The following CHSY3 variants were observed in gnomAD, a reference collection of about 807,000 sequenced individuals.
CHSY3 encodes the protein N-acetylgalactosaminyl-proteoglycan 3-beta-glucuronosyltransferase 3.
Under a neutral mutation model 67.2 loss-of-function variants are expected in CHSY3, and 35 were observed. The observed-to-expected ratio is 0.52, with a 90% confidence interval of 0.40 to 0.69. The LOEUF is 0.69. Ranked by LOEUF, CHSY3 falls within the 30% of genes least tolerant of loss-of-function variation. The pLI, the probability that CHSY3 is intolerant of heterozygous loss-of-function variation, is 0.00. For synonymous variants in CHSY3, 474 were observed against 434.7 expected (o/e 1.09, Z -1.12); for missense variants, 1,069 against 1,138.5 (o/e 0.94, Z 0.88).
At chr5:130,000,630 T>G (rs992201043) in intron 2 of CHSY3, among the ~76,000 whole-genome samples, 1 of 150,330 alleles carries the variant, frequency 6.7e-6, no homozygotes, top group Non-Finnish European at 1.5e-5. Flanking sequence ...TGGAGTGCAG[T>G]GGCACAATCA....
At chr5:130,076,841 G>A (rs1030669295) in intron 2 of CHSY3, among the ~76,000 whole-genome samples, 3 of 150,208 alleles carry the variant, frequency 2.0e-5, no homozygotes, top group Non-Finnish European at 4.4e-5. Flanking sequence ...GTAAACTATC[G>A]CAAGAACAAA....
At chr5:130,017,130 T>G (rs1764239930) in intron 2 of CHSY3, among the ~76,000 whole-genome samples, 1 of 152,112 alleles carries the variant, frequency 6.6e-6, no homozygotes. Flanking sequence ...AAAATTAGTT[T>G]CTTTATAGTG....
intron 2 of CHSY3, among the ~76,000 whole-genome samples, chr5:130,134,852 A>C (rs557582415): frequency 4.4e-5 from 6 of 135,008 alleles, no homozygotes; most frequent in South Asian, 2.2e-4. Flanking sequence ...CACCCCCCCC[A>C]ATTTTTATGC....
chr5:130,156,672 G>T (rs1225555894), intron 2 of CHSY3, among the ~76,000 whole-genome samples: 1 of 152,162 alleles, frequency 6.6e-6, no homozygotes, highest in African/African-American at 2.4e-5. Flanking sequence ...TAAAGACATA[G>T]ATGGTTTTGC....
chr5:130,013,983 C>A (rs1473384197), intron 2 of CHSY3, among the ~76,000 whole-genome samples: 2 of 152,202 alleles, frequency 1.3e-5, no homozygotes, highest in African/African-American at 4.8e-5. Flanking sequence ...CCTAAATCAT[C>A]TCTTTCAAGT....
chr5:129,963,867 T>A (rs1469224937), intron 2 of CHSY3, among the ~76,000 whole-genome samples: 1 of 151,892 alleles, frequency 6.6e-6, no homozygotes, highest in Non-Finnish European at 1.5e-5. Context: ...TATGTATCTG[T>A]GTATATATGT....
At chr5:130,178,077 T>C (rs1233631103) in intron 2 of CHSY3, among the ~76,000 whole-genome samples, 2 of 149,878 alleles carry the variant, frequency 1.3e-5, no homozygotes, top group African/African-American at 2.4e-5. Flanking sequence ...ATGTACTTGA[T>C]ATGTGTGATT....
chr5:130,107,442 A>AGT (rs61527103), intron 2 of CHSY3, among the ~76,000 whole-genome samples: 5,398 of 149,354 alleles, frequency 0.036, 204 homozygotes, highest in East Asian at 0.12. Context: ...TTACGGGGCT[A>AGT]GTGTGTGTGT....
intron 2 of CHSY3, among the ~76,000 whole-genome samples, chr5:130,024,443 G>A (rs537309704): frequency 1.5e-4 from 23 of 152,022 alleles, no homozygotes; most frequent in African/African-American, 4.8e-4. Context: ...TCGAATTTTC[G>A]AGCAATTAGT....
Position 130,175,363 on chromosome 5 carries a change from A to T in CHSY3, c.1087-8866A>T, listed in dbSNP as rs901836727. Reference sequence around the variant, plus strand: ...TGCTCAAGGAAATAAGAGAGGACACAAACAAATGGAAAAACATTCCATGCT... The same window carrying T: ...TGCTCAAGGAAATAAGAGAGGACACTAACAAATGGAAAAACATTCCATGCT... On this transcript the variant is annotated intron_variant, in intron 2 of 2. Transcript: ENST00000305031. Among the ~76,000 whole-genome samples the T allele has an allele frequency of 2.0e-5, 3 of 152,198 alleles. No individual in the cohort carries two copies. In the East Asian group the frequency reaches 5.8e-4, roughly 29 times the overall value.
intron 2 of CHSY3, among the ~76,000 whole-genome samples, chr5:130,016,843 G>A (rs1463363878): frequency 1.3e-5 from 2 of 152,202 alleles, no homozygotes; most frequent in Admixed American, 6.5e-5. Flanking sequence ...CTTGGATTTT[G>A]TTTAGTGGCA....
intron 2 of CHSY3, among the ~76,000 whole-genome samples, chr5:130,145,780 A>T (rs79246986): frequency 0.025 from 3,766 of 152,266 alleles, 147 homozygotes; most frequent in African/African-American, 0.084. Context: ...CCCATTAAAA[A>T]ATGGACAAAT....
rs1554084711 is a variant in CHSY3, at chr5:130,128,253, T to TGCGCGCGC, written c.1087-55972_1087-55971insGCGCGCGC. Among the ~76,000 whole-genome samples the TGCGCGCGC allele has an allele frequency of 6.0e-3, 911 of 151,022 alleles. 11 individuals are homozygous for TGCGCGCGC. Among genetic ancestry groups the TGCGCGCGC allele is most frequent in the African/African-American group, 0.021 (881 of 41,106 alleles). On this transcript the variant is annotated intron_variant, in intron 2 of 2. Transcript: ENST00000305031. ...TGGTGTGTGTGTGTGTGTGTGTGTG[T>TGCGCGCGC]GCGCTCACATGCTCAGGCATGCACA...
At chr5:130,141,840 C>G (rs1482371929) in intron 2 of CHSY3, 1 of 363,716 alleles carries the variant, frequency 2.7e-6, no homozygotes, top group East Asian at 7.3e-5. Flanking sequence ...TAATTACCAA[C>G]CTGTACCAGA....
At chr5:129,956,738 G>T (rs536703371) in intron 2 of CHSY3, among the ~76,000 whole-genome samples, 100 of 150,268 alleles carry the variant, frequency 6.7e-4, no homozygotes, top group Middle Eastern at 3.5e-3. Flanking sequence ...TCGTTGCTTG[G>T]TTTTTTTTTC....
intron 2 of CHSY3, among the ~76,000 whole-genome samples, chr5:129,983,078 A>C (rs564283419): frequency 2.0e-5 from 3 of 152,236 alleles, no homozygotes; most frequent in African/African-American, 7.2e-5. Flanking sequence ...CTTGTTTCAA[A>C]CAAAAATTGA....
Position 130,177,250 on chromosome 5 carries a change from T to C in CHSY3, c.1087-6979T>C, listed in dbSNP as rs138919649. 5.7e-3 allele frequency among the ~76,000 whole-genome samples: 871 copies of C among 151,732 alleles called. 8 individuals are homozygous for C. Among genetic ancestry groups the C allele is most frequent in the African/African-American group, 0.02 (831 of 41,384 alleles). ...GTGTGTGTGTATATATATATATATG[T>C]TTTGTATTCTTCACTAACTGCTTCT... On this transcript the variant is annotated intron_variant, in intron 2 of 2. Coordinates refer to ENST00000305031, the MANE Select transcript of CHSY3 (RefSeq NM_175856.5).
intron 2 of CHSY3, among the ~76,000 whole-genome samples, chr5:130,026,426 A>C (rs935010495): frequency 6.6e-6 from 1 of 152,162 alleles, no homozygotes; most frequent in African/African-American, 2.4e-5. Context: ...CTGCTTGTTG[A>C]AAACACTGGT....
At chr5:130,079,428 T>A (rs1766375760) in intron 2 of CHSY3, among the ~76,000 whole-genome samples, 2 of 152,174 alleles carry the variant, frequency 1.3e-5, no homozygotes, top group Non-Finnish European at 2.9e-5. Flanking sequence ...AACATTGGGA[T>A]AAACTTCAGG....
Sources: gnomAD v4.1 joint callset for allele counts (sites outside exome capture counted in the v4.1 genomes callset) on GRCh38, gnomAD v4.1.1 for gene constraint, MANE v1.5 for transcripts, NCBI Gene and HGNC (gene_info 2026-07-23, HGNC 2026-07-21) for gene names.